Variants in MTIF2 observed in about 807,000 individuals in gnomAD.
MTIF2 encodes translation initiation factor IF-2, mitochondrial.
MTIF2 carries 71 observed loss-of-function variants against 83.5 expected under a neutral mutation model. The observed-to-expected ratio is 0.85, with a 90% CI of 0.70 to 1.04. The LOEUF (loss-of-function observed/expected upper bound fraction) is 1.04, where lower values mean the gene tolerates loss of function less well. Ranked by LOEUF, MTIF2 falls within the 50% of genes least tolerant of loss-of-function variation. MTIF2 has a pLI of 0.00. For synonymous variants in MTIF2, 319 were observed against 287.1 expected (o/e 1.11, Z -1.12); for missense variants, 957 against 846.5 (o/e 1.13, Z -1.62).
At chr2:55,253,441 G>A (rs1677256525) in intron 7 of MTIF2, among the ~76,000 whole-genome samples, 1 of 152,144 alleles carries the variant, frequency 6.6e-6, no homozygotes, top group Admixed American at 6.6e-5. Flanking sequence ...CACTTTGGGA[G>A]GTCAAGATGG....
At chr2:55,247,285 G>T (rs149552446) in intron 9 of MTIF2, among the ~76,000 whole-genome samples, 2 of 152,166 alleles carry the variant, frequency 1.3e-5, no homozygotes, top group African/African-American at 2.4e-5. Flanking sequence ...GGCCGGGCAC[G>T]GTGGCTCATG....
chr2:55,236,918 T>C, intron 15 of MTIF2, 98 bp from the exon 16 acceptor site: 1 of 1,004,196 alleles, frequency 1.0e-6, no homozygotes, highest in South Asian at 2.6e-5. Flanking sequence ...ACACTGAAAT[T>C]CTTAAAAATT....
chr2:55,267,042 T>C (rs967381279), intron 3 of MTIF2, among the ~76,000 whole-genome samples: 6 of 152,086 alleles, frequency 3.9e-5, no homozygotes, highest in African/African-American at 1.2e-4. Flanking sequence ...AGTGCTGGGA[T>C]TACAGGCGTG....
At chr2:55,241,758 G>A (rs1290065184) in intron 13 of MTIF2, among the ~76,000 whole-genome samples, 2 of 150,524 alleles carry the variant, frequency 1.3e-5, no homozygotes, top group African/African-American at 4.9e-5. Flanking sequence ...CAGGAGAATC[G>A]CTTGAACCCA....
At chr2:55,236,911 C>T (rs1238108897) in intron 15 of MTIF2, 91 bp from the exon 16 acceptor site, 5 of 1,043,374 alleles carry the variant, frequency 4.8e-6, no homozygotes, top group East Asian at 6.0e-5. Context: ...GGAAATTACA[C>T]TGAAATTCTT....
At position 55,244,139 on chromosome 2, in the gene MTIF2, C is replaced by T. The variant is rs1676522493; in HGVS notation, c.1201G>A (p.Asp401Asn). 4 of 1,614,000 alleles carry T rather than the reference C, an allele frequency of 2.5e-6. No homozygotes were observed. Among genetic ancestry groups the T allele is most frequent in the Non-Finnish European group, 3.4e-6 (4 of 1,180,012 alleles). ...KCWAKVRLMFDENGKTIDEAY... is the reference protein window; with the variant it reads ...KCWAKVRLMFNENGKTIDEAY... The stretch of plus-strand genomic sequence containing the variant: ...TCATCAATTGTTTTTCCATTTTCAT[C>T]AAACATTAAGCGTACTTTTGCCCAA... The change falls in exon 11 of 16, where the codon GAT becomes AAT. Residue 401 changes from aspartate (D) to asparagine (N), a missense_variant. Physicochemically the swap from Asp to Asn is conservative, Grantham distance 23. Transcript: ENST00000263629.
In MTIF2 at chr2:55,243,000, C is replaced by G. The variant is rs117850281; in HGVS notation, c.1645G>C (p.Val549Leu). The change falls in exon 13 of 16, where the codon GTA becomes CTA. Residue 549 changes from valine (V) to leucine (L), a missense_variant. This residue lies in a region of MTIF2 where 733 missense variants were observed against 648.7 expected (regional missense o/e 1.13). Transcript: ENST00000263629. ...CTTACATCACCCACTCCAAAATGTA[C>G]TAATTCTAGTTCACACTCGTGTGAA... ...DASHECELELVHFGVGDVSAN... is the reference protein window; with the variant it reads ...DASHECELELLHFGVGDVSAN... The G allele has an allele frequency of 6.3e-4, 1,019 of 1,613,030 alleles. 13 individuals carry two copies. In the East Asian group the frequency reaches 0.021, roughly 33 times the overall value.
At chr2:55,249,802 TAC>T (rs1676963357) in intron 8 of MTIF2, among the ~76,000 whole-genome samples, 1 of 151,884 alleles carries the variant, frequency 6.6e-6, no homozygotes, top group Admixed American at 6.6e-5. Flanking sequence ...AAAAAAACAA[TAC>T]AGTCGGGCTG....
intron 13 of MTIF2, 148 bp downstream of exon 13, chr2:55,242,792 A>G (rs563552382): frequency 3.3e-5 from 24 of 731,670 alleles, no homozygotes; most frequent in African/African-American, 2.9e-4. Flanking sequence ...TTAAGTTTCA[A>G]TTGCTAGCTG....
intron 10 of MTIF2, among the ~76,000 whole-genome samples, chr2:55,244,656 TG>T (rs1320522946): frequency 3.3e-5 from 5 of 152,164 alleles, no homozygotes; most frequent in Non-Finnish European, 7.3e-5. Context: ...GGCTCACGGC[TG>T]TAATCCCAGC....
At chr2:55,262,522 C>T (rs1302196335) in intron 4 of MTIF2, 95 bp from the exon 5 acceptor site, 3 of 591,930 alleles carry the variant, frequency 5.1e-6, no homozygotes, top group Middle Eastern at 2.8e-4. Flanking sequence ...ATCATAGCTA[C>T]ATTTCTTTCT....
chr2:55,236,932 T>C (rs956794623), intron 15 of MTIF2, 112 bp from the exon 16 acceptor site: 7 of 941,954 alleles, frequency 7.4e-6, no homozygotes, highest in African/African-American at 1.7e-5. Context: ...AAAAATTTTA[T>C]GGTCTTGTCA....
chr2:55,255,936 G>C (rs1041966402), intron 5 of MTIF2, among the ~76,000 whole-genome samples: 2 of 152,018 alleles, frequency 1.3e-5, no homozygotes, highest in African/African-American at 4.8e-5. Context: ...AAGTGCAGTG[G>C]GGCAATCTCG....
At chr2:55,265,244 G>GAA (rs540213481) in intron 3 of MTIF2, among the ~76,000 whole-genome samples, 5 of 116,410 alleles carry the variant, frequency 4.3e-5, no homozygotes, top group Admixed American at 9.3e-5. Context: ...ACTCTGTCTT[G>GAA]AAAAAAAAAA....
intron 5 of MTIF2, among the ~76,000 whole-genome samples, chr2:55,260,175 G>A (rs1252945985): frequency 2.6e-5 from 4 of 151,922 alleles, no homozygotes; most frequent in Admixed American, 1.3e-4. Context: ...CGAGGTGGGC[G>A]GATCACCTGA....
At chr2:55,257,888 C>T (rs575097056) in intron 5 of MTIF2, among the ~76,000 whole-genome samples, 1 of 152,166 alleles carries the variant, frequency 6.6e-6, no homozygotes, top group Non-Finnish European at 1.5e-5. Flanking sequence ...CTCTGCCTCC[C>T]AGGCAGTCCT....
intron 10 of MTIF2, among the ~76,000 whole-genome samples, chr2:55,245,326 G>A (rs1440270848): frequency 5.3e-5 from 8 of 151,984 alleles, no homozygotes; most frequent in East Asian, 3.9e-4. Context: ...GTTTGAGACC[G>A]GCCTGGTCAA....
At chr2:55,241,302 C>T (rs1676285180) in intron 13 of MTIF2, among the ~76,000 whole-genome samples, 1 of 151,500 alleles carries the variant, frequency 6.6e-6, no homozygotes, top group Non-Finnish European at 1.5e-5. Flanking sequence ...CCTATAATCC[C>T]AGCTACTCAG....
intron 5 of MTIF2, 24 bp downstream of exon 5, chr2:55,262,292 G>C: frequency 6.7e-7 from 1 of 1,493,490 alleles, no homozygotes; most frequent in Non-Finnish European, 9.3e-7. Context: ...CCCATATTTT[G>C]CTTTGTAAAA....
Sources: allele counts gnomAD v4.1 joint callset (sites outside exome capture counted in the v4.1 genomes callset), GRCh38; gene constraint gnomAD v4.1.1; regional missense constraint gnomAD v4.1.1; transcripts MANE v1.5; gene names NCBI Gene and HGNC (gene_info 2026-07-23, HGNC 2026-07-21).